Variants in IGF2BP3 observed in about 807,000 individuals in gnomAD.
IGF2BP3 encodes insulin like growth factor 2 mRNA binding protein 3.
In IGF2BP3, 9 loss-of-function variants were observed where a neutral mutation model predicts 73.8. That is an observed-to-expected ratio of 0.12 (90% confidence interval 0.07 to 0.21). The LOEUF (loss-of-function observed/expected upper bound fraction) is 0.21. Ranked by LOEUF, IGF2BP3 falls within the 10% of genes least tolerant of loss-of-function variation. The pLI, the probability that IGF2BP3 is intolerant of heterozygous loss-of-function variation, is 1.00. For synonymous variants in IGF2BP3, 258 were observed against 256.7 expected (o/e 1.01, Z -0.05); for missense variants, 542 against 714.0 (o/e 0.76, Z 2.75).
intron 10 of IGF2BP3, among the ~76,000 whole-genome samples, chr7:23,337,815 G>T (rs1235352141): frequency 6.6e-6 from 1 of 152,166 alleles, no homozygotes; most frequent in Non-Finnish European, 1.5e-5. Context: ...GACTACAGGT[G>T]TCTGTCACCA....
rs539955170 is a variant in IGF2BP3, at chr7:23,441,603, A to G, written c.237-22779T>C. Among the ~76,000 whole-genome samples the G allele has an allele frequency of 3.7e-4, 53 of 142,318 alleles. No individual in the cohort carries two copies. The South Asian group carries it at 0.011, about 31-fold the overall frequency. 93.4% of individuals were successfully genotyped at this position (142,318 alleles called of 152,430 possible). Reference sequence around the variant, plus strand: ...AAAAAAAAAAAAAAAAAAAAAAAAAAAGACACATATGTTAAAATTCTGTAG... The same window carrying G: ...AAAAAAAAAAAAAAAAAAAAAAAAAGAGACACATATGTTAAAATTCTGTAG... On this transcript the variant is annotated intron_variant, in intron 2 of 14. Transcript: ENST00000258729.
chr7:23,367,757 T>C (rs1785421698), intron 3 of IGF2BP3, among the ~76,000 whole-genome samples: 1 of 152,122 alleles, frequency 6.6e-6, no homozygotes, highest in East Asian at 1.9e-4. Context: ...TCCCAGCACT[T>C]TGGGTGGCCG....
intron 3 of IGF2BP3, among the ~76,000 whole-genome samples, chr7:23,388,142 T>C (rs757986017): frequency 1.2e-4 from 18 of 152,154 alleles, no homozygotes; most frequent in Non-Finnish European, 2.4e-4. Context: ...TTTCACCGTG[T>C]TAGCCAGGAT....
chr7:23,357,608 G>A (rs1185099123), intron 5 of IGF2BP3, among the ~76,000 whole-genome samples: 1 of 152,146 alleles, frequency 6.6e-6, no homozygotes, highest in Non-Finnish European at 1.5e-5. Flanking sequence ...AAATAGGTGA[G>A]CCTCTCTCGC....
chr7:23,342,431 T>G (rs986826028), intron 9 of IGF2BP3, among the ~76,000 whole-genome samples: 1 of 152,180 alleles, frequency 6.6e-6, no homozygotes, highest in African/African-American at 2.4e-5. Context: ...TTAAGATATC[T>G]CAAGGGAAGC....
chr7:23,314,284 G>A (rs909522443), intron 12 of IGF2BP3, among the ~76,000 whole-genome samples: 1 of 151,984 alleles, frequency 6.6e-6, no homozygotes, highest in African/African-American at 2.4e-5. Context: ...CCAGGTTCAA[G>A]TGATTCTCCT....
At chr7:23,406,536 G>A (rs1482805466) in intron 3 of IGF2BP3, among the ~76,000 whole-genome samples, 2 of 152,086 alleles carry the variant, frequency 1.3e-5, no homozygotes, top group African/African-American at 4.8e-5. Context: ...CTGACTTCAG[G>A]AGTGAAGCCG....
chr7:23,397,853 G>C (rs757356083), intron 3 of IGF2BP3, among the ~76,000 whole-genome samples: 11 of 152,092 alleles, frequency 7.2e-5, no homozygotes, highest in Non-Finnish European at 1.5e-4. Context: ...TATGGCAAAA[G>C]GGACTTTGAG....
Position 23,318,041 on chromosome 7 carries a change from T to C in IGF2BP3, c.1321-328A>G, listed in dbSNP as rs1170850808. The stretch of plus-strand genomic sequence containing the variant: ...TGGAGAAATTGAGTTATCTGGACCA[T>C]GATCACACAGCTAACAGAGCTAGAG... On this transcript the variant is annotated intron_variant, in intron 11 of 14. Transcript: ENST00000258729. Among the ~76,000 whole-genome samples the C allele has an allele frequency of 2.0e-5, 3 of 152,168 alleles. No homozygotes were observed. The East Asian group carries it at 5.8e-4, about 29-fold the overall frequency.
At position 23,370,464 on chromosome 7, in the gene IGF2BP3, A is replaced by G. The variant is rs545145803; in HGVS notation, c.286-8723T>C. 2.6e-5 allele frequency among the ~76,000 whole-genome samples: 4 copies of G among 152,246 alleles called. No individual in the cohort carries two copies. In the East Asian group the frequency reaches 7.7e-4, roughly 29 times the overall value. The stretch of plus-strand genomic sequence containing the variant: ...CGGGCATTATAGTCTGTGTACCAAT[A>G]TATATCCTGAAAATCTCTCTGGAAA... On this transcript the variant is annotated intron_variant, in intron 3 of 14. Transcript: ENST00000258729.
chr7:23,468,357 A>G (rs1788618363), intron 2 of IGF2BP3, 125 bp downstream of exon 2: 4 of 948,984 alleles, frequency 4.2e-6, no homozygotes, highest in Non-Finnish European at 6.8e-6. Context: ...AGCAAGGATT[A>G]AAGACCGGAA....
chr7:23,460,103 TGTGCCTGTAG>T (rs56997843), intron 2 of IGF2BP3, among the ~76,000 whole-genome samples: 47,328 of 141,172 alleles, frequency 0.34, 8,400 homozygotes, highest in Middle Eastern at 0.4. Context: ...CGAGGAGGCA[TGTGCCTGTAG>T]GTGCCTGTAG....
intron 10 of IGF2BP3, among the ~76,000 whole-genome samples, chr7:23,334,634 A>C (rs1784525274): frequency 6.6e-6 from 1 of 152,228 alleles, no homozygotes; most frequent in South Asian, 2.1e-4. Context: ...CACAGGACAT[A>C]AGCTGCTTCC....
chr7:23,338,576 G>A (rs868407343), intron 10 of IGF2BP3, among the ~76,000 whole-genome samples: 1 of 152,098 alleles, frequency 6.6e-6, no homozygotes, highest in Non-Finnish European at 1.5e-5. Context: ...GCTTCCACCT[G>A]CTCCCACTGA....
At chr7:23,455,795 C>G (rs1280438240) in intron 2 of IGF2BP3, among the ~76,000 whole-genome samples, 1 of 152,236 alleles carries the variant, frequency 6.6e-6, no homozygotes, top group African/African-American at 2.4e-5. Flanking sequence ...GAGCCACTCT[C>G]CTGCCTCAGC....
intron 2 of IGF2BP3, among the ~76,000 whole-genome samples, chr7:23,463,908 G>C (rs934860980): frequency 2.0e-5 from 3 of 152,204 alleles, no homozygotes; most frequent in African/African-American, 7.2e-5. Context: ...CTGAGCACTT[G>C]AAAGATAACC....
intron 6 of IGF2BP3, among the ~76,000 whole-genome samples, chr7:23,349,051 A>C (rs1322956097): frequency 6.6e-6 from 1 of 152,252 alleles, no homozygotes; most frequent in African/African-American, 2.4e-5. Context: ...ACTTACCAAC[A>C]GCTACCCAGG....
At chr7:23,380,249 C>T (rs534225683) in intron 3 of IGF2BP3, among the ~76,000 whole-genome samples, 30 of 150,354 alleles carry the variant, frequency 2.0e-4, no homozygotes, top group Admixed American at 5.3e-4. Flanking sequence ...CTGCAACCTC[C>T]GCCTCCCGGG....
intron 3 of IGF2BP3, 105 bp from the exon 4 acceptor site, chr7:23,361,846 C>A: frequency 2.1e-6 from 2 of 938,262 alleles, no homozygotes; most frequent in Non-Finnish European, 1.6e-6. Context: ...GGAAAAGAGC[C>A]AAAAAATTAT....
Sources: allele counts gnomAD v4.1 joint callset (sites outside exome capture counted in the v4.1 genomes callset), GRCh38; gene constraint gnomAD v4.1.1; transcripts MANE v1.5; gene names NCBI Gene and HGNC (gene_info 2026-07-23, HGNC 2026-07-21).